Variants in KLHDC3 observed in about 807,000 individuals in gnomAD.
KLHDC3 encodes the protein kelch domain-containing protein 3.
A neutral mutation model predicts 44.1 loss-of-function variants in KLHDC3; 5 were observed. That is an observed-to-expected ratio of 0.11 (90% CI 0.06 to 0.24). The LOEUF is 0.24. Among genes scored for constraint, KLHDC3 ranks in the 10% least tolerant of loss-of-function variants. The pLI is 1.00. For missense variants in KLHDC3, 247 were observed against 514.3 expected (o/e 0.48, Z 5.03); for synonymous variants, 170 against 189.0 (o/e 0.90, Z 0.82).
chr6:43,016,933 T>G, intron 1 of KLHDC3: 2 of 512,738 alleles, frequency 3.9e-6, no homozygotes, highest in Non-Finnish European at 7.0e-6. Context: ...TGGAGAACAC[T>G]GGGCCCAGGC....
chr6:43,019,960 T>G (rs1270766046), intron 10 of KLHDC3, among the ~76,000 whole-genome samples: 1 of 152,152 alleles, frequency 6.6e-6, no homozygotes, highest in Non-Finnish European at 1.5e-5. Flanking sequence ...GCAAATCAGT[T>G]GAGGTCAGGA....
At chr6:43,019,029 T>C in intron 8 of KLHDC3, 58 bp downstream of exon 8, 1 of 1,569,268 alleles carries the variant, frequency 6.4e-7, no homozygotes, top group Non-Finnish European at 8.8e-7. Context: ...GTGGGAGGTA[T>C]TTGAAAAGGG....
chr6:43,019,335 C>T lies in KLHDC3; in HGVS notation c.1051C>T (p.Leu351=), dbSNP rs779580128. ...CAAACTGGCCGTGATTCAGTATAAC[C>T]TAGACCAGTCCTGTTTGCCTCATGA... is the stretch of plus-strand genomic sequence containing the variant. The part of the protein sequence containing the change: ...LCKLAVIQYN[L]DQSCLPHDIR... The change falls in exon 10 of 11, where the codon CTA becomes TTA. Residue 351 remains leucine, a synonymous_variant. Coordinates refer to ENST00000326974, the MANE Select transcript of KLHDC3 (RefSeq NM_057161.4). The T allele has an allele frequency of 8.1e-6, 13 of 1,613,790 alleles. No homozygotes were observed. Among genetic ancestry groups the T allele is most frequent in the Non-Finnish European group, 1.1e-5 (13 of 1,179,718 alleles).
rs145055566 is a variant in KLHDC3 at position 43,018,112 on chromosome 6, C to T, written c.448-33C>T. ...GGGTCAGAGAGTGACCATTGGCTCC[C>T]TCTTTTCTTCCTCCTTTTCTCTTCC... On this transcript the variant is annotated intron_variant, in intron 4 of 10. Coordinates refer to ENST00000326974, the MANE Select transcript of KLHDC3 (RefSeq NM_057161.4). This position sits in a 1 kb window ranked among gnomAD's most constrained non-coding sequence, Gnocchi z 6.0. The T allele has an allele frequency of 9.1e-6, 14 of 1,545,336 alleles. No individual in the cohort carries two copies. Among genetic ancestry groups the T allele is most frequent in the Admixed American group, 1.7e-5 (1 of 59,946 alleles).
intron 8 of KLHDC3, 41 bp downstream of exon 8, chr6:43,019,012 T>A: frequency 1.9e-6 from 3 of 1,560,886 alleles, no homozygotes; most frequent in Non-Finnish European, 2.6e-6. Context: ...AAGTCACTAA[T>A]GGGAGAGTGG....
Position 43,020,839 on chromosome 6 carries a change from A to T in KLHDC3, c.*106A>T, listed in dbSNP as rs1762675432. 1 of 879,790 alleles carries T rather than the reference A, an allele frequency of 1.1e-6. No homozygotes were observed. The highest frequency in any genetic ancestry group is 1.8e-5 in the Admixed American group (1 of 55,476). The allele number at this position is 879,790 out of a possible 1,614,324, so 54.5% of individuals were successfully genotyped here. On this transcript the variant is annotated 3_prime_UTR_variant, in exon 11 of 11. Coordinates refer to ENST00000326974, the MANE Select transcript of KLHDC3 (RefSeq NM_057161.4). The stretch of plus-strand genomic sequence containing the variant: ...TGACCCCTGGACTTGGTATACCTCC[A>T]TGTGGAGTTGTTGGGCGAGAGGTGT...
In KLHDC3 at chr6:43,021,282, T is replaced by C. The variant is rs1762696823; in HGVS notation, c.*549T>C. On this transcript the variant is annotated 3_prime_UTR_variant, in exon 11 of 11. Coordinates refer to ENST00000326974, the MANE Select transcript of KLHDC3 (RefSeq NM_057161.4). ...CAGCTCAGATTTTATAAAAATTAAT[T>C]AAAATCTCCAAACGTGTTGTGTGTT... is the stretch of plus-strand genomic sequence containing the variant. 2.7e-6 allele frequency: 1 copy of C among 371,838 alleles called. No homozygotes were observed. The highest frequency in any genetic ancestry group is 3.7e-5 in the Admixed American group (1 of 26,686). 23.0% of individuals were successfully genotyped at this position (371,838 alleles called of 1,614,324 possible).
rs1581877314 is a variant in KLHDC3 at position 43,017,620 on chromosome 6, G to A, written c.256G>A (p.Asp86Asn). 2 of 1,614,112 alleles carry A rather than the reference G, an allele frequency of 1.2e-6. No individual in the cohort carries two copies. Among genetic ancestry groups the A allele is most frequent in the East Asian group, 2.2e-5 (1 of 44,892 alleles). The change falls in exon 3 of 11, where the codon GAC (aspartate) becomes AAC (asparagine). Residue 86 changes from aspartate to asparagine, a missense_variant. This residue lies in a region of KLHDC3 where 176 missense variants were observed against 413.5 expected (regional missense o/e 0.43). Transcript: ENST00000326974. This position sits in a 1 kb window ranked among gnomAD's most constrained non-coding sequence, Gnocchi z 6.0. ...CTATGGACACTCAACCGTCCTCATC[G>A]ACGACACAGTCCTCCTTTGGGGCGG... ...MRYGHSTVLI[D>N]DTVLLWGGRN...
chr6:43,017,069 G>T lies in KLHDC3; in HGVS notation c.-59-65G>T, dbSNP rs576406829. ...ACTTGGAGGCAAAGGCTGGTTCTGG[G>T]CAGAGTCACAGTGAGCTGGGCAGAA... On this transcript the variant is annotated intron_variant, in intron 1 of 10. Coordinates refer to ENST00000326974, the MANE Select transcript of KLHDC3 (RefSeq NM_057161.4). The surrounding 1 kb of genome is among the most constrained non-coding windows in gnomAD (Gnocchi z 6.0). 18 of 1,166,006 alleles carry T rather than the reference G, an allele frequency of 1.5e-5. No homozygotes were observed. The highest frequency in any genetic ancestry group is 1.5e-4 in the South Asian group (11 of 71,590). The allele number at this position is 1,166,006 out of a possible 1,614,324, so 72.2% of individuals were successfully genotyped here.
In KLHDC3 at chr6:43,018,801, TG is replaced by T. The variant is rs1762633501; in HGVS notation, c.821-57del. The T allele has an allele frequency of 1.3e-6, 2 of 1,538,490 alleles. No individual in the cohort carries two copies. The highest frequency in any genetic ancestry group is 2.2e-5 in the East Asian group (1 of 44,508). ...AAAATAATCCTGAGGCGGTGAGGGA[TG>T]GGGGTGGGGAAGATACCTGGACTAG... On this transcript the variant is annotated intron_variant, in intron 7 of 10. Transcript: ENST00000326974. This position sits in a 1 kb window ranked among gnomAD's most constrained non-coding sequence, Gnocchi z 6.0.
Position 43,017,466 on chromosome 6 carries a change from A to G in KLHDC3, c.155-53A>G. 7 of 1,562,232 alleles carry G rather than the reference A, an allele frequency of 4.5e-6. No individual in the cohort carries two copies. In the South Asian group the frequency reaches 7.2e-5, roughly 16 times the overall value. ...TGGGGACAAACATCTGGTTTGGGAA[A>G]AGTGGACAGCCTGGAGGGAGGTTCC... is the stretch of plus-strand genomic sequence containing the variant. On this transcript the variant is annotated intron_variant, in intron 2 of 10. Transcript: ENST00000326974. The surrounding 1 kb of genome is among the most constrained non-coding windows in gnomAD (Gnocchi z 6.0).
At position 43,018,004 on chromosome 6, in the gene KLHDC3, G is replaced by C; in HGVS notation, c.447+36G>C. 1.9e-6 allele frequency: 3 copies of C among 1,564,826 alleles called. No homozygotes were observed. Among genetic ancestry groups the C allele is most frequent in the Non-Finnish European group, 2.6e-6 (3 of 1,135,414 alleles). On this transcript the variant is annotated intron_variant, in intron 4 of 10. Transcript: ENST00000326974. The surrounding 1 kb of genome is among the most constrained non-coding windows in gnomAD (Gnocchi z 6.0). The stretch of plus-strand genomic sequence containing the variant: ...GAATAAAATAAGAGGTTTAGGGTGG[G>C]ACTGAGAAAGAGGGGAAGGGCAATT...
Position 43,018,074 on chromosome 6 carries a change from G to A in KLHDC3, c.448-71G>A, listed in dbSNP as rs1247383206. On this transcript the variant is annotated intron_variant, in intron 4 of 10. Transcript: ENST00000326974. The surrounding 1 kb of genome is among the most constrained non-coding windows in gnomAD (Gnocchi z 6.0). ...GCTTTGGCTTGTTTGCAGGTTTTGAGGGGAGGGATGGAGGGTCAGAGAGTG... is the reference window on the plus strand; with the variant it reads ...GCTTTGGCTTGTTTGCAGGTTTTGAAGGGAGGGATGGAGGGTCAGAGAGTG... 7.0e-7 allele frequency: 1 copy of A among 1,429,658 alleles called. No individual in the cohort carries two copies. The highest frequency in any genetic ancestry group is 9.9e-7 in the Non-Finnish European group (1 of 1,012,276). The allele number at this position is 1,429,658 out of a possible 1,614,324, so 88.6% of individuals were successfully genotyped here. A position where few individuals can be genotyped will look rare whatever the true frequency, so the allele number is the denominator to read the frequency against.
intron 10 of KLHDC3, among the ~76,000 whole-genome samples, chr6:43,019,780 G>A (rs1437872016): frequency 6.6e-6 from 1 of 152,148 alleles, no homozygotes; most frequent in East Asian, 1.9e-4. Context: ...GTTACTTTAT[G>A]TATAATTTTT....
intron 10 of KLHDC3, among the ~76,000 whole-genome samples, chr6:43,020,362 G>C (rs1762661945): frequency 1.3e-5 from 2 of 152,194 alleles, no homozygotes; most frequent in African/African-American, 4.8e-5. Context: ...AGGAAAGGCA[G>C]GTTGGGATGT....
rs773304182 is a variant in KLHDC3 at position 43,017,324 on chromosome 6, A to C, written c.132A>C (p.Ile44=). The C allele has an allele frequency of 1.5e-5, 25 of 1,613,568 alleles. No individual in the cohort carries two copies. The highest frequency in any genetic ancestry group is 2.0e-5 in the Non-Finnish European group (24 of 1,179,686). The part of the protein sequence containing the change: ...SGEDYETLRQ[I]DVHIFNAVSL... The stretch of plus-strand genomic sequence containing the variant: ...AAGACTATGAGACACTGCGTCAGAT[A>C]GATGTGCACATTTTCAATGCAGGTA... Residue 44 remains isoleucine, a synonymous_variant, in exon 2 of 11, where the codon ATA becomes ATC. Coordinates refer to ENST00000326974, the MANE Select transcript of KLHDC3 (RefSeq NM_057161.4). This position sits in a 1 kb window ranked among gnomAD's most constrained non-coding sequence, Gnocchi z 6.0.
In KLHDC3 at chr6:43,018,876, G is replaced by T; in HGVS notation, c.834G>T (p.Trp278Cys). 1 of 1,609,852 alleles carries T rather than the reference G, an allele frequency of 6.2e-7. No individual in the cohort carries two copies. The change falls in exon 8 of 11, where the codon TGG becomes TGT. Residue 278 changes from tryptophan to cysteine, a missense_variant. Trp to Cys is a radical substitution (Grantham distance 215). Around this residue, in one of 2 missense-constraint regions of KLHDC3, gnomAD observed 176 missense variants for 413.5 expected, o/e 0.43. Coordinates refer to ENST00000326974, the MANE Select transcript of KLHDC3 (RefSeq NM_057161.4). The surrounding 1 kb of genome is among the most constrained non-coding windows in gnomAD (Gnocchi z 6.0). The stretch of plus-strand genomic sequence containing the variant: ...ATTTCTCTTCAGTGTCCTTTACCTG[G>T]AAAAAGATTGAACCGAAGGGGAAGG... ...LWKFNPVSFTWKKIEPKGKGP... is the reference protein window; with the variant it reads ...LWKFNPVSFTCKKIEPKGKGP...
chr6:43,014,919 T>C (rs771375095), intron 1 of KLHDC3, among the ~76,000 whole-genome samples: 3 of 151,986 alleles, frequency 2.0e-5, no homozygotes, highest in Non-Finnish European at 4.4e-5. Flanking sequence ...AAATGCTTGG[T>C]GGTGATGGAG....
rs769384126 is a variant in KLHDC3, at chr6:43,017,545, C to G, written c.181C>G (p.Pro61Ala). 5.0e-6 allele frequency: 8 copies of G among 1,607,626 alleles called. No individual in the cohort carries two copies. In the South Asian group the frequency reaches 6.6e-5, roughly 13 times the overall value. Residue 61 changes from proline to alanine, a missense_variant, in exon 3 of 11, where the codon CCG (proline) becomes GCG (alanine). Pro to Ala is a conservative substitution (Grantham distance 27). Transcript: ENST00000326974. The surrounding 1 kb of genome is among the most constrained non-coding windows in gnomAD (Gnocchi z 6.0). Reference protein sequence around the residue: ...AVSLRWTKLPPVKSAIRGQAP... With the variant: ...AVSLRWTKLPAVKSAIRGQAP... The stretch of plus-strand genomic sequence containing the variant: ...GTCCTTGCGTTGGACAAAGCTGCCC[C>G]CGGTGAAGTCTGCCATCCGTGGGCA...
Sources: gnomAD v4.1 joint callset for allele counts (sites outside exome capture counted in the v4.1 genomes callset) on GRCh38, gnomAD v4.1.1 for gene constraint, gnomAD v4.1.1 regional missense constraint, Gnocchi (gnomAD v3.1) non-coding constraint, MANE v1.5 for transcripts, NCBI Gene and HGNC (gene_info 2026-07-23, HGNC 2026-07-21) for gene names.